GRM4: variants seen among roughly 807,000 people sequenced by gnomAD.
The protein encoded by GRM4 is metabotropic glutamate receptor 4.
A neutral mutation model predicts 81.7 loss-of-function variants in GRM4; 28 were observed. The ratio of observed to expected loss-of-function variants is 0.34; its 90% CI spans 0.25 to 0.47. The LOEUF (loss-of-function observed/expected upper bound fraction) is 0.47. Among genes scored for constraint, GRM4 ranks in the 20% least tolerant of loss-of-function variants. The pLI is 1.00. For synonymous variants in GRM4, 488 were observed against 528.8 expected (o/e 0.92, Z 1.06); for missense variants, 948 against 1,290.0 (o/e 0.73, Z 4.06).
In GRM4 at chr6:34,116,117, C is replaced by T. The variant is rs200908043; in HGVS notation, c.519+16861G>A. ...CCACAAGATTTAATTCAACAACCCCCGGACTAGAATATGAGGCCGAGTGAA... is the reference window on the plus strand; with the variant it reads ...CCACAAGATTTAATTCAACAACCCCTGGACTAGAATATGAGGCCGAGTGAA... On this transcript the variant is annotated intron_variant, in intron 2 of 10. Coordinates refer to ENST00000538487, the MANE Select transcript of GRM4 (RefSeq NM_000841.4). 9.2e-5 allele frequency among the ~76,000 whole-genome samples: 14 copies of T among 152,248 alleles called. 1 individual carries two copies. The East Asian group carries it at 1.5e-3, about 17-fold the overall frequency.
At chr6:34,067,461 C>T (rs1207593912) in intron 3 of GRM4, among the ~76,000 whole-genome samples, 3 of 138,482 alleles carry the variant, frequency 2.2e-5, no homozygotes, top group African/African-American at 5.8e-5. Flanking sequence ...TCCCTCCCTC[C>T]GTCCTTCCCT....
At chr6:34,135,495 T>C (rs191531375) in intron 1 of GRM4, among the ~76,000 whole-genome samples, 2 of 152,374 alleles carry the variant, frequency 1.3e-5, no homozygotes, top group Admixed American at 1.3e-4. Flanking sequence ...CTAGAAGCCA[T>C]GTCAGCCACA....
intron 4 of GRM4, chr6:34,061,121 G>C (rs1766157555): frequency 6.6e-6 from 1 of 152,340 alleles, no homozygotes; most frequent in Non-Finnish European, 1.5e-5. Flanking sequence ...GGCACAGCAG[G>C]CTCTGCCAGC....
chr6:34,084,914 A>G (rs143328023), intron 3 of GRM4, among the ~76,000 whole-genome samples: 1 of 152,248 alleles, frequency 6.6e-6, no homozygotes, highest in Non-Finnish European at 1.5e-5. Flanking sequence ...CTTCACTTCA[A>G]TGGACACATC....
At chr6:34,058,479 C>T (rs1442270789) in intron 5 of GRM4, among the ~76,000 whole-genome samples, 1 of 152,164 alleles carries the variant, frequency 6.6e-6, no homozygotes, top group Non-Finnish European at 1.5e-5. Flanking sequence ...CTGCCAGGTC[C>T]CTGCCAAATC....
Position 34,074,496 on chromosome 6 carries a change from G to A in GRM4, c.737-12468C>T, listed in dbSNP as rs1767208330. Among the ~76,000 whole-genome samples the A allele has an allele frequency of 7.1e-6, 1 of 141,238 alleles. No individual in the cohort carries two copies. The highest frequency in any genetic ancestry group is 6.9e-5 in the Admixed American group (1 of 14,550). The allele number at this position is 141,238 out of a possible 152,430, so 92.7% of individuals were successfully genotyped here. A position where few individuals can be genotyped will look rare whatever the true frequency, so the allele number is the denominator to read the frequency against. ...CCCTACCAGGAGGCTGCTGGGCAGC[G>A]CAGGCAGTGTGGCTCAGAGCTGAGC... is the stretch of plus-strand genomic sequence containing the variant. On this transcript the variant is annotated intron_variant, in intron 3 of 10. Coordinates refer to ENST00000538487, the MANE Select transcript of GRM4 (RefSeq NM_000841.4). The surrounding 1 kb of genome is among the most constrained non-coding windows in gnomAD (Gnocchi z 4.9).
Position 34,022,594 on chromosome 6 carries a change from C to T in GRM4, c.*227G>A, listed in dbSNP as rs1686530820. ...GGGGCAATGGTCCAAGACGCAGGTT[C>T]TTGTGGTAGCCTGGCACCGCCCCGG... On this transcript the variant is annotated 3_prime_UTR_variant, in exon 11 of 11. Coordinates refer to ENST00000538487, the MANE Select transcript of GRM4 (RefSeq NM_000841.4). The surrounding 1 kb of genome is among the most constrained non-coding windows in gnomAD (Gnocchi z 5.6). 2 of 581,690 alleles carry T rather than the reference C, an allele frequency of 3.4e-6. No homozygotes were observed. The highest frequency in any genetic ancestry group is 5.9e-5 in the Admixed American group (2 of 33,686). The allele number at this position is 581,690 out of a possible 1,614,324, so 36.0% of individuals were successfully genotyped here.
chr6:34,144,843 C>A (rs1329742486), intron 1 of GRM4, among the ~76,000 whole-genome samples: 1 of 152,182 alleles, frequency 6.6e-6, no homozygotes. Context: ...AAAGCCTCTG[C>A]CCCATTCCCT....
chr6:34,138,525 A>G (rs1770554201), intron 1 of GRM4, among the ~76,000 whole-genome samples: 1 of 152,218 alleles, frequency 6.6e-6, no homozygotes, highest in South Asian at 2.1e-4. Flanking sequence ...CAAAGGGGAA[A>G]TGAGGGAGAA....
At chr6:34,145,495 C>A (rs1054414474) in intron 1 of GRM4, among the ~76,000 whole-genome samples, 2 of 152,176 alleles carry the variant, frequency 1.3e-5, no homozygotes, top group African/African-American at 2.4e-5. Flanking sequence ...GACCAGCGAG[C>A]GCAGCCGGCC....
intron 2 of GRM4, chr6:34,110,728 T>G: frequency 1.3e-6 from 2 of 1,510,888 alleles, no homozygotes; most frequent in Admixed American, 4.2e-5. Flanking sequence ...GGTGCTGGGC[T>G]GGTAGCACCT....
chr6:34,044,271 T>C (rs200834298), intron 6 of GRM4, among the ~76,000 whole-genome samples: 37 of 139,648 alleles, frequency 2.6e-4, no homozygotes, highest in Admixed American at 7.7e-4. Context: ...CATACACATA[T>C]ACACATACAC....
intron 1 of GRM4, among the ~76,000 whole-genome samples, chr6:34,143,974 G>A (rs1033505020): frequency 6.6e-6 from 1 of 152,266 alleles, no homozygotes; most frequent in Non-Finnish European, 1.5e-5. Flanking sequence ...TGAGAGACAC[G>A]TGGCTTCGGG....
chr6:34,137,023 A>G (rs1246621886), intron 1 of GRM4, among the ~76,000 whole-genome samples: 1 of 152,158 alleles, frequency 6.6e-6, no homozygotes, highest in African/African-American at 2.4e-5. Context: ...GGGGGCACAT[A>G]GAAGGGGTCC....
chr6:34,148,730 C>T (rs1322902718), upstream of GRM4, among the ~76,000 whole-genome samples: 1 of 152,106 alleles, frequency 6.6e-6, no homozygotes, highest in African/African-American at 2.4e-5. Flanking sequence ...CGTGGGGGAG[C>T]CCCCCAGCCT....
chr6:34,041,163 C>T (rs1001019637), intron 6 of GRM4, among the ~76,000 whole-genome samples: 4 of 152,170 alleles, frequency 2.6e-5, no homozygotes, highest in African/African-American at 9.7e-5. Context: ...GGGAAACAGC[C>T]AGGACAGGGG....
At chr6:34,134,337 C>T (rs73415075) in intron 1 of GRM4, among the ~76,000 whole-genome samples, 9 of 152,176 alleles carry the variant, frequency 5.9e-5, no homozygotes, top group Admixed American at 2.0e-4. Context: ...ATGCCTACTG[C>T]AGCCCAGCTT....
chr6:34,056,659 G>A lies in GRM4; in HGVS notation c.1053C>T (p.Arg351=), dbSNP rs774440229. ...VRGFDRYFSS[R]TLDNNRRNIW... is the part of the protein sequence containing the mutation. ...TGTTGCGCCGGTTGTTGTCCAGCGTGCGGCTGGAGAAGTAGCGGTCGAAGC... is the reference window on the plus strand; with the variant it reads ...TGTTGCGCCGGTTGTTGTCCAGCGTACGGCTGGAGAAGTAGCGGTCGAAGC... Residue 351 remains arginine, a synonymous_variant, in exon 6 of 11, where the codon CGC becomes CGT. Coordinates refer to ENST00000538487, the MANE Select transcript of GRM4 (RefSeq NM_000841.4). The A allele has an allele frequency of 6.2e-7, 1 of 1,613,634 alleles. No individual in the cohort carries two copies. Among genetic ancestry groups the A allele is most frequent in the South Asian group, 1.1e-5 (1 of 91,066 alleles).
In GRM4 at chr6:34,140,654, A is replaced by G. The variant is rs368660689; in HGVS notation, c.-364+5346T>C. On this transcript the variant is annotated intron_variant, in intron 1 of 10. Transcript: ENST00000538487. ...GCTCACGCTTGCCTGGATCTCCTCCATCCAGCAAGCCCCAACCATGCAGAC... is the reference window on the plus strand; with the variant it reads ...GCTCACGCTTGCCTGGATCTCCTCCGTCCAGCAAGCCCCAACCATGCAGAC... 1.4e-4 allele frequency among the ~76,000 whole-genome samples: 22 copies of G among 152,190 alleles called. No homozygotes were observed. In the South Asian group the frequency reaches 2.9e-3, roughly 20 times the overall value.
Sources: gnomAD v4.1 joint callset for allele counts (sites outside exome capture counted in the v4.1 genomes callset) on GRCh38, gnomAD v4.1.1 for gene constraint, Gnocchi (gnomAD v3.1) non-coding constraint, MANE v1.5 for transcripts, NCBI Gene and HGNC (gene_info 2026-07-23, HGNC 2026-07-21) for gene names.